Variants in YES1 observed in about 807,000 individuals in gnomAD.
YES1 encodes the protein YES proto-oncogene 1, Src family tyrosine kinase.
YES1 carries 39 observed loss-of-function variants against 70.4 expected under a neutral mutation model. The observed-to-expected ratio is 0.55, with a 90% CI of 0.43 to 0.72. The LOEUF is 0.72. YES1 is among the 30% of genes least tolerant of loss of function. The pLI is 0.00. For synonymous variants in YES1, 198 were observed against 218.6 expected, an observed-to-expected ratio of 0.91 and a Z score of 0.83; for missense variants, 495 against 644.8, an observed-to-expected ratio of 0.77 and a Z score of 2.52.
chr18:763,703 CAA>C (rs71174286), intron 1 of YES1, among the ~76,000 whole-genome samples: 9 of 63,710 alleles, frequency 1.4e-4, no homozygotes, highest in Non-Finnish European at 8.7e-5. Context: ...ATCCTGTCTT[CAA>C]AAAAAAAAAA....
Position 724,620 on chromosome 18 carries a change from C to T in YES1, c.1436G>A (p.Arg479His), listed in dbSNP as rs1223790745. ...GRVPYPGMVN[R>H]EVLEQVERGY... ...TCGCTCCACTTGTTCTAATACTTCACGGTTCACCATACCTAATACACAAGA... is the reference window on the plus strand; with the variant it reads ...TCGCTCCACTTGTTCTAATACTTCATGGTTCACCATACCTAATACACAAGA... Residue 479 changes from arginine to histidine, a missense_variant, in exon 12 of 12, where the codon CGT becomes CAT. This residue lies in a region of YES1 where 385 missense variants were observed against 540.9 expected (regional missense o/e 0.71). Transcript: ENST00000314574. 12 of 1,613,818 alleles carry T rather than the reference C, an allele frequency of 7.4e-6. No individual in the cohort carries two copies. The highest frequency in any genetic ancestry group is 8.5e-6 in the Non-Finnish European group (10 of 1,179,828).
intron 1 of YES1, among the ~76,000 whole-genome samples, chr18:788,649 T>C (rs1906085998): frequency 6.6e-6 from 1 of 152,234 alleles, no homozygotes; most frequent in African/African-American, 2.4e-5. Flanking sequence ...ATAGGTGCAG[T>C]GGCTCACGCC....
chr18:776,626 G>T (rs368233660), intron 1 of YES1, among the ~76,000 whole-genome samples: 1 of 152,160 alleles, frequency 6.6e-6, no homozygotes, highest in African/African-American at 2.4e-5. Flanking sequence ...GAACCTAGAA[G>T]ACAGTCTGAA....
In YES1 at chr18:724,116, A is replaced by T; in HGVS notation, c.*308T>A. 1 of 221,534 alleles carries T rather than the reference A, an allele frequency of 4.5e-6. No homozygotes were observed. Among genetic ancestry groups the T allele is most frequent in the African/African-American group, 2.3e-5 (1 of 44,252 alleles). 13.7% of individuals were successfully genotyped at this position (221,534 alleles called of 1,614,324 possible). A position where few individuals can be genotyped will look rare whatever the true frequency, so the allele number is the denominator to read the frequency against. On this transcript the variant is annotated 3_prime_UTR_variant, in exon 12 of 12. Transcript: ENST00000314574. Reference sequence around the variant, plus strand: ...AATTCTGACTTTGGGGAAAAAAAGAAAGGAAATGATTTATAAATAAGCAGG... The same window carrying T: ...AATTCTGACTTTGGGGAAAAAAAGATAGGAAATGATTTATAAATAAGCAGG...
chr18:743,916 A>ATATAT (rs1376471996), intron 6 of YES1, among the ~76,000 whole-genome samples: 2 of 146,302 alleles, frequency 1.4e-5, no homozygotes, highest in African/African-American at 5.1e-5. Flanking sequence ...GAAAAAAAAA[A>ATATAT]AAATATATAT....
chr18:767,393 C>T (rs903480262), intron 1 of YES1, among the ~76,000 whole-genome samples: 17 of 152,116 alleles, frequency 1.1e-4, no homozygotes, highest in East Asian at 3.9e-4. Flanking sequence ...TCAAGCAATT[C>T]GCCTGCCTCA....
At chr18:810,661 G>A (rs1158012993) in intron 1 of YES1, among the ~76,000 whole-genome samples, 2 of 152,082 alleles carry the variant, frequency 1.3e-5, no homozygotes, top group African/African-American at 2.4e-5. Flanking sequence ...AGGACCCTCT[G>A]AATTGTCAAC....
At chr18:802,681 A>G (rs1216839617) in intron 1 of YES1, among the ~76,000 whole-genome samples, 1 of 152,238 alleles carries the variant, frequency 6.6e-6, no homozygotes, top group East Asian at 1.9e-4. Flanking sequence ...TGGCATATGG[A>G]ACAGGCTTGT....
At chr18:743,460 T>A in intron 6 of YES1, 45 bp from the exon 7 acceptor site, 1 of 1,502,154 alleles carries the variant, frequency 6.7e-7, no homozygotes, top group East Asian at 2.3e-5. Flanking sequence ...TTACAAAAAT[T>A]AAGGGGCATA....
chr18:750,672 T>C (rs1305745882), intron 3 of YES1, among the ~76,000 whole-genome samples: 1 of 152,164 alleles, frequency 6.6e-6, no homozygotes, highest in Non-Finnish European at 1.5e-5. Flanking sequence ...TAGGGTGCTA[T>C]GTAAACACCT....
At chr18:778,409 T>G (rs545151173) in intron 1 of YES1, among the ~76,000 whole-genome samples, 1 of 152,384 alleles carries the variant, frequency 6.6e-6, no homozygotes, top group Admixed American at 6.5e-5. Flanking sequence ...AACAGCACCC[T>G]GCCTGTCAGC....
chr18:736,708 G>A, intron 10 of YES1, 100 bp downstream of exon 10: 1 of 1,441,554 alleles, frequency 6.9e-7, no homozygotes, highest in Non-Finnish European at 9.3e-7. Flanking sequence ...CTCTTCTGAG[G>A]GAAGCTAAAA....
chr18:779,449 T>G (rs968282876), intron 1 of YES1, among the ~76,000 whole-genome samples: 4 of 152,084 alleles, frequency 2.6e-5, no homozygotes, highest in African/African-American at 9.7e-5. Context: ...AATAATTTTT[T>G]TTGTTATAGA....
At chr18:744,394 CT>C (rs397723072) in intron 6 of YES1, among the ~76,000 whole-genome samples, 100 of 143,278 alleles carry the variant, frequency 7.0e-4, no homozygotes, top group Non-Finnish European at 6.2e-4. Context: ...GAGATTTTTT[CT>C]TTTTTTTTTT....
chr18:787,792 C>T (rs1053016675), intron 1 of YES1: 1 of 152,018 alleles, frequency 6.6e-6, no homozygotes, highest in African/African-American at 2.4e-5. Flanking sequence ...AAATACTGAT[C>T]AAAAATTAAT....
intron 1 of YES1, among the ~76,000 whole-genome samples, chr18:763,917 C>G (rs923190318): frequency 1.3e-5 from 2 of 151,674 alleles, no homozygotes; most frequent in African/African-American, 4.8e-5. Flanking sequence ...GTCAGGAGAT[C>G]GAGACCATCC....
intron 1 of YES1, among the ~76,000 whole-genome samples, chr18:792,360 TA>T (rs780717298): frequency 5.9e-5 from 9 of 151,900 alleles, no homozygotes; most frequent in African/African-American, 1.7e-4. Context: ...GGATTTGGGT[TA>T]AAAAAATAAA....
chr18:805,630 T>A (rs993948906), intron 1 of YES1, among the ~76,000 whole-genome samples: 7 of 152,202 alleles, frequency 4.6e-5, no homozygotes, highest in Admixed American at 1.3e-4. Flanking sequence ...AAAATCTAGA[T>A]AGTGTTAGTG....
chr18:749,679 C>A (rs567266410), intron 3 of YES1, among the ~76,000 whole-genome samples: 1 of 151,866 alleles, frequency 6.6e-6, no homozygotes, highest in African/African-American at 2.4e-5. Flanking sequence ...CACGGTGAAA[C>A]CCCGTCTCTA....
Sources: gnomAD v4.1 joint callset for allele counts (sites outside exome capture counted in the v4.1 genomes callset) on GRCh38, gnomAD v4.1.1 for gene constraint, gnomAD v4.1.1 regional missense constraint, MANE v1.5 for transcripts, NCBI Gene and HGNC (gene_info 2026-07-23, HGNC 2026-07-21) for gene names.